COL4A2: variants seen among roughly 807,000 people sequenced by gnomAD.
COL4A2 encodes the protein collagen type IV alpha 2 chain.
In COL4A2, 99 loss-of-function variants were observed where a neutral mutation model predicts 200.2. The ratio of observed to expected loss-of-function variants is 0.49; its 90% CI spans 0.42 to 0.58. COL4A2 has a LOEUF of 0.58. Ranked by LOEUF, COL4A2 falls within the 20% of genes least tolerant of loss-of-function variation. COL4A2 has a pLI of 0.00. For synonymous variants in COL4A2, 897 were observed against 900.6 expected (o/e 1.00, Z 0.07); for missense variants, 1,950 against 2,314.1 (o/e 0.84, Z 3.23).
At chr13:110,403,472 C>T (rs1879448802) in intron 4 of COL4A2, among the ~76,000 whole-genome samples, 1 of 152,160 alleles carries the variant, frequency 6.6e-6, no homozygotes, top group Non-Finnish European at 1.5e-5. Context: ...ACAAGGATGG[C>T]CTTCCCTTTA....
At position 110,357,563 on chromosome 13, in the gene COL4A2, G is replaced by A. The variant is rs1877333623; in HGVS notation, c.180+11G>A. The stretch of plus-strand genomic sequence containing the variant: ...GAGAAAGGTGGACGTGTAAGTCACA[G>A]CATTGCAATAAATAATATTATCTTC... On this transcript the variant is annotated intron_variant, in intron 4 of 47. Transcript: ENST00000360467. The A allele has an allele frequency of 1.3e-6, 2 of 1,567,932 alleles. No homozygotes were observed. Among genetic ancestry groups the A allele is most frequent in the Non-Finnish European group, 1.7e-6 (2 of 1,154,224 alleles).
intron 20 of COL4A2, among the ~76,000 whole-genome samples, chr13:110,456,119 C>T (rs767669923): frequency 2.0e-5 from 3 of 152,192 alleles, no homozygotes; most frequent in Non-Finnish European, 2.9e-5. Flanking sequence ...TGAAGAGCAC[C>T]GTGTTTCTTG....
chr13:110,450,515 G>C (rs904388114), intron 20 of COL4A2, 61 bp downstream of exon 20: 1 of 1,584,434 alleles, frequency 6.3e-7, no homozygotes, highest in Non-Finnish European at 8.6e-7. Flanking sequence ...CCCGGTCCCA[G>C]CCGGATGTTA....
At chr13:110,315,970 G>GT (rs3832899) in intron 3 of COL4A2, among the ~76,000 whole-genome samples, 67 of 151,460 alleles carry the variant, frequency 4.4e-4, no homozygotes, top group African/African-American at 1.5e-3. Flanking sequence ...CTTACTGTGG[G>GT]TTTTTTTTTC....
At chr13:110,491,631 T>G (rs1245035889) in intron 37 of COL4A2, among the ~76,000 whole-genome samples, 1 of 152,054 alleles carries the variant, frequency 6.6e-6, no homozygotes, top group Non-Finnish European at 1.5e-5. Context: ...AGGGATCCCT[T>G]TGCTTGCATT....
intron 3 of COL4A2, among the ~76,000 whole-genome samples, chr13:110,308,815 A>C (rs1482461405): frequency 6.6e-6 from 1 of 152,158 alleles, no homozygotes; most frequent in African/African-American, 2.4e-5. Context: ...TCCATTTTAT[A>C]CGTTTTGTTT....
rs560000057 is a variant in COL4A2, at chr13:110,347,783, C to A, written c.100-9689C>A. 2.0e-5 allele frequency among the ~76,000 whole-genome samples: 3 copies of A among 152,360 alleles called. No homozygotes were observed. The South Asian group carries it at 6.2e-4, about 32-fold the overall frequency. On this transcript the variant is annotated intron_variant, in intron 3 of 47. Transcript: ENST00000360467. Reference sequence around the variant, plus strand: ...TAGCACACTGTGTGTGGAAAACACCCAGACATTGAGCTGCCTGAGGAGAAA... The same window carrying A: ...TAGCACACTGTGTGTGGAAAACACCAAGACATTGAGCTGCCTGAGGAGAAA...
intron 18 of COL4A2, among the ~76,000 whole-genome samples, chr13:110,448,544 G>A (rs1881412016): frequency 6.6e-6 from 1 of 152,218 alleles, no homozygotes; most frequent in African/African-American, 2.4e-5. Context: ...AAAAGAGGCA[G>A]TAAATGTATC....
At chr13:110,500,491 C>G (rs1883603038) in intron 40 of COL4A2, among the ~76,000 whole-genome samples, 1 of 152,222 alleles carries the variant, frequency 6.6e-6, no homozygotes. Context: ...TGTTGGCTGA[C>G]AGCACAGGGA....
chr13:110,428,302 C>G (rs1011087143), intron 6 of COL4A2, among the ~76,000 whole-genome samples, 165 bp from the exon 7 acceptor site: 1 of 152,224 alleles, frequency 6.6e-6, no homozygotes, highest in Non-Finnish European at 1.5e-5. Flanking sequence ...TATGCCTTCA[C>G]TTATTTAATC....
At chr13:110,337,248 T>G (rs1285425614) in intron 3 of COL4A2, among the ~76,000 whole-genome samples, 1 of 152,210 alleles carries the variant, frequency 6.6e-6, no homozygotes, top group Non-Finnish European at 1.5e-5. Context: ...CCCGGCATGA[T>G]GCTGATCACA....
chr13:110,460,959 T>G (rs7318014), intron 22 of COL4A2, among the ~76,000 whole-genome samples: 87,744 of 152,076 alleles, frequency 0.58, 26,148 homozygotes, highest in Middle Eastern at 0.73. Flanking sequence ...CCAATTACTT[T>G]CAACATTGCA....
intron 41 of COL4A2, among the ~76,000 whole-genome samples, chr13:110,502,213 A>T (rs1883668531): frequency 6.6e-6 from 1 of 152,252 alleles, no homozygotes; most frequent in South Asian, 2.1e-4. Flanking sequence ...CACTACTCAC[A>T]AGCACCGAGT....
chr13:110,499,545 G>A (rs1261453624), intron 40 of COL4A2, among the ~76,000 whole-genome samples: 1 of 152,130 alleles, frequency 6.6e-6, no homozygotes, highest in African/African-American at 2.4e-5. Context: ...TGGGGACACA[G>A]CCAAACCGTA....
chr13:110,479,974 G>A (rs1258132191), intron 30 of COL4A2, among the ~76,000 whole-genome samples: 5 of 151,080 alleles, frequency 3.3e-5, no homozygotes, highest in African/African-American at 1.2e-4. Flanking sequence ...GAAGACTGCA[G>A]TGGGAAAGCC....
intron 3 of COL4A2, among the ~76,000 whole-genome samples, chr13:110,311,870 G>T (rs529484433): frequency 4.6e-5 from 7 of 152,196 alleles, no homozygotes; most frequent in African/African-American, 1.7e-4. Flanking sequence ...CCACCCTGCC[G>T]CTTAGTTTCC....
chr13:110,500,634 C>G (rs754207783), intron 40 of COL4A2, among the ~76,000 whole-genome samples: 5 of 152,192 alleles, frequency 3.3e-5, no homozygotes, highest in Non-Finnish European at 7.3e-5. Context: ...CTGAAGTCAC[C>G]AAGAACACTG....
At chr13:110,411,031 TC>T (rs1879811080) in intron 4 of COL4A2, among the ~76,000 whole-genome samples, 2 of 152,186 alleles carry the variant, frequency 1.3e-5, no homozygotes, top group Non-Finnish European at 2.9e-5. Flanking sequence ...TCTTAAGCCC[TC>T]ACTCACGGCC....
intron 22 of COL4A2, among the ~76,000 whole-genome samples, chr13:110,460,773 G>A (rs1881993789): frequency 6.6e-6 from 1 of 152,146 alleles, no homozygotes; most frequent in Admixed American, 6.5e-5. Context: ...TGGTAGAGTG[G>A]CAGGGCGCTT....
Sources: allele counts gnomAD v4.1 joint callset (sites outside exome capture counted in the v4.1 genomes callset), GRCh38; gene constraint gnomAD v4.1.1; transcripts MANE v1.5; gene names NCBI Gene and HGNC (gene_info 2026-07-23, HGNC 2026-07-21).